The following ANK3 variants were observed in gnomAD, a reference collection of about 807,000 sequenced individuals.
ANK3 encodes ankyrin 3.
In ANK3, 57 loss-of-function variants were observed where a neutral mutation model predicts 370.9. That is an observed-to-expected ratio of 0.15 (90% CI 0.12 to 0.19). The LOEUF is 0.19. Ranked by LOEUF, ANK3 falls within the 10% of genes least tolerant of loss-of-function variation. ANK3 has a pLI of 1.00. For synonymous variants in ANK3, 1,929 were observed against 1,946.3 expected, an observed-to-expected ratio of 0.99 and a Z score of 0.23; for missense variants, 4,439 against 5,302.1, an observed-to-expected ratio of 0.84 and a Z score of 5.06.
intron 1 of ANK3, among the ~76,000 whole-genome samples, chr10:60,718,201 A>G (rs1281405803): frequency 2.0e-5 from 3 of 152,246 alleles, no homozygotes; most frequent in African/African-American, 7.2e-5. Context: ...ATGCAAAGAC[A>G]GTTTTAGGCC....
chr10:60,414,362 A>G (rs542200988), intron 2 of ANK3, among the ~76,000 whole-genome samples: 1 of 152,196 alleles, frequency 6.6e-6, no homozygotes, highest in Non-Finnish European at 1.5e-5. Context: ...GGACTGGATT[A>G]TGAAACATAA....
chr10:60,533,891 A>G (rs2076662532), intron 2 of ANK3, among the ~76,000 whole-genome samples: 1 of 152,114 alleles, frequency 6.6e-6, no homozygotes, highest in African/African-American at 2.4e-5. Context: ...TAATATGGTA[A>G]CACTGGATAT....
intron 1 of ANK3, among the ~76,000 whole-genome samples, chr10:60,354,958 T>A (rs905305812): frequency 6.6e-6 from 1 of 152,174 alleles, no homozygotes; most frequent in Non-Finnish European, 1.5e-5. Flanking sequence ...TCTGATCATC[T>A]CCATAGTTAA....
At chr10:60,395,616 C>T (rs2063216205) in intron 2 of ANK3, among the ~76,000 whole-genome samples, 1 of 70,204 alleles carries the variant, frequency 1.4e-5, no homozygotes, top group Non-Finnish European at 2.7e-5. Flanking sequence ...TTCTCTCTTT[C>T]GTTCTCTCTC....
Position 60,627,190 on chromosome 10 carries a change from T to C in ANK3, c.58-11966A>G, listed in dbSNP as rs2078423049. ...TTAGCTGTGATGTCCAATTTAAACA[T>C]ACAACACTAAATTCATTGATATTAA... is the stretch of plus-strand genomic sequence containing the variant. On this transcript the variant is annotated intron_variant, in intron 1 of 43. Transcript: ENST00000373827. Among the ~76,000 whole-genome samples the C allele has an allele frequency of 2.6e-5, 4 of 151,088 alleles. No individual in the cohort carries two copies. The South Asian group carries it at 6.3e-4, about 24-fold the overall frequency.
intron 25 of ANK3, among the ~76,000 whole-genome samples, chr10:60,124,367 G>A (rs1177254655): frequency 6.6e-6 from 1 of 151,902 alleles, no homozygotes; most frequent in Non-Finnish European, 1.5e-5. Context: ...GTAGAGATGG[G>A]GTTTCACCAT....
intron 25 of ANK3, among the ~76,000 whole-genome samples, chr10:60,119,758 CA>C (rs2093350546): frequency 6.6e-6 from 1 of 151,924 alleles, no homozygotes; most frequent in Non-Finnish European, 1.5e-5. Context: ...GGCGAAAGAG[CA>C]AGACTTCATC....
chr10:60,060,074 T>C, intron 40 of ANK3: 1 of 1,218,454 alleles, frequency 8.2e-7, no homozygotes, highest in Non-Finnish European at 1.1e-6. Context: ...ACACATGGAA[T>C]GACTAAAATT....
rs181819363 is a variant in ANK3, at chr10:60,566,138, T to G, written c.96+49048A>C. Among the ~76,000 whole-genome samples the G allele has an allele frequency of 3.0e-3, 455 of 152,334 alleles. 1 individual carries two copies. Among genetic ancestry groups the G allele is most frequent in the African/African-American group, 0.011 (442 of 41,580 alleles). On this transcript the variant is annotated intron_variant, in intron 2 of 43. Coordinates refer to the ANK3 transcript ENST00000373827. ...TTGAAGTTACTATTAATATTGTAAC[T>G]GTTTTGGGTAGCCACAAACCACATC... is the stretch of plus-strand genomic sequence containing the variant.
intron 1 of ANK3, among the ~76,000 whole-genome samples, chr10:60,680,998 A>AT (rs1477427054): frequency 6.6e-6 from 1 of 152,092 alleles, no homozygotes; most frequent in Non-Finnish European, 1.5e-5. Flanking sequence ...AAATAATAAT[A>AT]TTTTTCCTCT....
At chr10:60,160,942 G>A (rs1003533342) in intron 23 of ANK3, among the ~76,000 whole-genome samples, 2 of 152,116 alleles carry the variant, frequency 1.3e-5, no homozygotes, top group African/African-American at 4.8e-5. Context: ...CATACCCAAT[G>A]GGGAAAAACT....
intron 1 of ANK3, among the ~76,000 whole-genome samples, chr10:60,623,837 C>A (rs891663427): frequency 3.3e-5 from 5 of 152,118 alleles, no homozygotes; most frequent in African/African-American, 1.2e-4. Flanking sequence ...GGCTATAGGC[C>A]ACCTCTCAGA....
At position 60,309,272 on chromosome 10, in the gene ANK3, G is replaced by A. The variant is rs182794096; in HGVS notation, c.115-29633C>T. Among the ~76,000 whole-genome samples the A allele has an allele frequency of 1.3e-3, 203 of 152,276 alleles. 2 individuals are homozygous for A. Among genetic ancestry groups the A allele is most frequent in the African/African-American group, 4.7e-3 (197 of 41,566 alleles). On this transcript the variant is annotated intron_variant, in intron 1 of 43. Transcript: ENST00000280772. The stretch of plus-strand genomic sequence containing the variant: ...GATCAAACTGTGCTCAGTGTAGCCT[G>A]AAGAAACACAATGATGAGATATTTC...
chr10:60,377,777 G>C (rs565944019), intron 1 of ANK3, among the ~76,000 whole-genome samples: 8 of 152,280 alleles, frequency 5.3e-5, no homozygotes, highest in African/African-American at 1.9e-4. Context: ...TTCAGCCTCT[G>C]AATTTATCAG....
intron 7 of ANK3, among the ~76,000 whole-genome samples, chr10:60,261,462 G>A (rs901707563): frequency 3.9e-5 from 6 of 152,144 alleles, no homozygotes; most frequent in Non-Finnish European, 5.9e-5. Flanking sequence ...GCCTCACCCA[G>A]GTATTCCAGA....
chr10:60,494,471 C>T (rs1450630978), intron 2 of ANK3, among the ~76,000 whole-genome samples: 1 of 152,100 alleles, frequency 6.6e-6, no homozygotes, highest in African/African-American at 2.4e-5. Flanking sequence ...CTTGTGCTAT[C>T]ACTTTTGATC....
At chr10:60,600,620 T>C (rs2078047968) in intron 2 of ANK3, among the ~76,000 whole-genome samples, 1 of 152,208 alleles carries the variant, frequency 6.6e-6, no homozygotes, top group African/African-American at 2.4e-5. Flanking sequence ...ATCTAATTTG[T>C]CTTTCCACCA....
intron 1 of ANK3, among the ~76,000 whole-genome samples, chr10:60,687,921 G>T (rs1359767612): frequency 6.6e-6 from 1 of 152,190 alleles, no homozygotes; most frequent in Non-Finnish European, 1.5e-5. Context: ...ACATGGATGG[G>T]CCTGGAGGAT....
intron 8 of ANK3, among the ~76,000 whole-genome samples, chr10:60,229,795 A>G (rs978678929): frequency 6.6e-6 from 1 of 152,220 alleles, no homozygotes; most frequent in African/African-American, 2.4e-5. Flanking sequence ...CAATATATTC[A>G]GCAAACACTT....
Sources: allele counts gnomAD v4.1 joint callset (sites outside exome capture counted in the v4.1 genomes callset), GRCh38; gene constraint gnomAD v4.1.1; transcripts MANE v1.5; gene names NCBI Gene and HGNC (gene_info 2026-07-23, HGNC 2026-07-21).